DNM1: variants seen among roughly 807,000 people sequenced by gnomAD.
The protein encoded by DNM1 is dynamin 1.
DNM1 carries 29 observed loss-of-function variants against 104.6 expected under a neutral mutation model. The observed-to-expected ratio is 0.28, with a 90% CI of 0.21 to 0.38. The LOEUF is 0.38. Among genes scored for constraint, DNM1 ranks in the 10% least tolerant of loss-of-function variants. The pLI is 1.00. For synonymous variants in DNM1, 445 were observed against 475.8 expected, an observed-to-expected ratio of 0.94 and a Z score of 0.84; for missense variants, 640 against 1,189.4, an observed-to-expected ratio of 0.54 and a Z score of 6.79.
At chr9:128,241,551 C>T (rs1836365169) in intron 14 of DNM1, among the ~76,000 whole-genome samples, 1 of 152,128 alleles carries the variant, frequency 6.6e-6, no homozygotes, top group Non-Finnish European at 1.5e-5. Context: ...CTGCCAGGCC[C>T]TCTGCAAGGT....
Position 128,242,292 on chromosome 9 carries a change from G to C in DNM1, c.1618G>C (p.Glu540Gln). The change falls in exon 15 of 22, where the codon GAG (glutamate) becomes CAG (glutamine). Residue 540 changes from glutamate to glutamine, a missense_variant. Physicochemically the swap from Glu to Gln is conservative, Grantham distance 29 (BLOSUM62 2). Transcript: ENST00000372923. ...NIGIMKGGSK[E>Q]YWFVLTAENL... ...TGGCATCATGAAAGGGGGCTCCAAG[G>C]AGTACTGGTTTGTGCTGACTGCTGA... is the stretch of plus-strand genomic sequence containing the variant. 1 of 1,613,644 alleles carries C rather than the reference G, an allele frequency of 6.2e-7. No individual in the cohort carries two copies.
Position 128,247,336 on chromosome 9 carries a change from CTT to C in DNM1, c.1782-37_1782-36del, listed in dbSNP as rs1201960559. ...CCCTTAACCCCCAGGGAGGGTCAGA[CTT>C]TGCCCATCTGCCCTCACTGCCTGCC... On this transcript the variant is annotated intron_variant, in intron 16 of 21. Coordinates refer to ENST00000372923, the MANE Select transcript of DNM1 (RefSeq NM_004408.4). The surrounding 1 kb of genome is among the most constrained non-coding windows in gnomAD (Gnocchi z 5.1). 6.8e-7 allele frequency: 1 copy of C among 1,477,588 alleles called. No individual in the cohort carries two copies. Among genetic ancestry groups the C allele is most frequent in the Non-Finnish European group, 9.4e-7 (1 of 1,066,252 alleles). 91.5% of individuals were successfully genotyped at this position (1,477,588 alleles called of 1,614,324 possible). A position where few individuals can be genotyped will look rare whatever the true frequency, so the allele number is the denominator to read the frequency against.
chr9:128,220,138 C>G lies in DNM1; in HGVS notation c.689-43C>G. 6.2e-7 allele frequency: 1 copy of G among 1,613,120 alleles called. No homozygotes were observed. The highest frequency in any genetic ancestry group is 8.5e-7 in the Non-Finnish European group (1 of 1,179,110). On this transcript the variant is annotated intron_variant, in intron 5 of 21. Coordinates refer to ENST00000372923, the MANE Select transcript of DNM1 (RefSeq NM_004408.4). The surrounding 1 kb of genome is among the most constrained non-coding windows in gnomAD (Gnocchi z 5.2). ...TCCCCAGCCCTTCCCCACCCTTCCC[C>G]TCCTCTTGAGGCTGGTTGCCCTGAC... is the stretch of plus-strand genomic sequence containing the variant.
At chr9:128,238,987 T>C (rs1172201170) in intron 11 of DNM1, among the ~76,000 whole-genome samples, 1 of 149,946 alleles carries the variant, frequency 6.7e-6, no homozygotes, top group Non-Finnish European at 1.5e-5. Flanking sequence ...TTTCATCCTC[T>C]CCTCTCCTCT....
At position 128,250,044 on chromosome 9, in the gene DNM1, G is replaced by A. The variant is rs952724282; in HGVS notation, c.2077-71G>A. 3.1e-6 allele frequency: 5 copies of A among 1,610,304 alleles called. No homozygotes were observed. In the African/African-American group the frequency reaches 6.7e-5, roughly 22 times the overall value. ...GCCACACCAGCTCACAGTCCCAGCA[G>A]GGCCCGGTGGGGCGGCCAGGGCGGC... On this transcript the variant is annotated intron_variant, in intron 19 of 21. Transcript: ENST00000372923.
At chr9:128,233,717 TC>T in intron 10 of DNM1, 1 of 466,904 alleles carries the variant, frequency 2.1e-6, no homozygotes, top group South Asian at 2.3e-5. Context: ...GCAGGCTCAT[TC>T]CCATGGCCTT....
At position 128,220,740 on chromosome 9, in the gene DNM1, C is replaced by CGTGTGT. The variant is rs754950978; in HGVS notation, c.849+400_849+401insTGTGTG. ...TCCAGAACTGAAGTGCGCGCGCGCG[C>CGTGTGT]GCGTGTGTGTGTGTGTGTGTGTGTG... On this transcript the variant is annotated intron_variant, in intron 6 of 21. Coordinates refer to ENST00000372923, the MANE Select transcript of DNM1 (RefSeq NM_004408.4). The surrounding 1 kb of genome is among the most constrained non-coding windows in gnomAD (Gnocchi z 5.2). 2.8e-3 allele frequency among the ~76,000 whole-genome samples: 353 copies of CGTGTGT among 125,772 alleles called. 1 individual carries two copies. Among genetic ancestry groups the CGTGTGT allele is most frequent in the East Asian group, 0.014 (43 of 3,156 alleles). 82.5% of individuals were successfully genotyped at this position (125,772 alleles called of 152,430 possible).
chr9:128,229,176 G>A (rs1835516953), intron 10 of DNM1, among the ~76,000 whole-genome samples: 1 of 151,966 alleles, frequency 6.6e-6, no homozygotes, highest in African/African-American at 2.4e-5. Context: ...AGGATTGCTT[G>A]AGGCCAGAAG....
In DNM1 at chr9:128,234,125, C is replaced by T. The variant is rs747813685; in HGVS notation, c.1422+18C>T. 218 of 1,512,402 alleles carry T rather than the reference C, an allele frequency of 1.4e-4. No homozygotes were observed. The highest frequency in any genetic ancestry group is 1.7e-4 in the Non-Finnish European group (195 of 1,125,580). 93.7% of individuals were successfully genotyped at this position (1,512,402 alleles called of 1,614,324 possible). A position where few individuals can be genotyped will look rare whatever the true frequency, so the allele number is the denominator to read the frequency against. On this transcript the variant is annotated intron_variant, in intron 11 of 21. Coordinates refer to ENST00000372923, the MANE Select transcript of DNM1 (RefSeq NM_004408.4). ...AGGAGCAGGTGAGCCCCGCAGCACC[C>T]GGCCTGGCCGCGCCTTCCTTCCACT...
At chr9:128,223,018 TC>T in intron 9 of DNM1, 158 bp downstream of exon 9, 1 of 734,778 alleles carries the variant, frequency 1.4e-6, no homozygotes, top group Non-Finnish European at 2.2e-6. Context: ...CATGACAGGC[TC>T]CAGCTTGGGG....
Position 128,253,900 on chromosome 9 carries a change from C to T in DNM1, c.2535-754C>T. ...CTGTTGCTCCTAGGGTCACTTGTGC[C>T]ATTCAGCCAAGGGGACGACCGTGCC... On this transcript the variant is annotated intron_variant, in intron 21 of 21. Transcript: ENST00000372923. This position sits in a 1 kb window ranked among gnomAD's most constrained non-coding sequence, Gnocchi z 5.9. The T allele has an allele frequency of 8.1e-7, 1 of 1,230,500 alleles. No homozygotes were observed. The highest frequency in any genetic ancestry group is 1.6e-5 in the African/African-American group (1 of 64,466). The allele number at this position is 1,230,500 out of a possible 1,614,324, so 76.2% of individuals were successfully genotyped here.
chr9:128,237,541 T>C (rs1328173375), intron 11 of DNM1, among the ~76,000 whole-genome samples: 1 of 152,050 alleles, frequency 6.6e-6, no homozygotes, highest in East Asian at 1.9e-4. Flanking sequence ...AGTGCTGGGA[T>C]TACAGGCGTG....
intron 11 of DNM1, 93 bp from the exon 12 acceptor site, chr9:128,239,352 A>T: frequency 1.1e-6 from 1 of 897,708 alleles, no homozygotes; most frequent in Non-Finnish European, 1.8e-6. Context: ...AACCTCCTAT[A>T]TGTGCTGCAA....
chr9:128,216,925 C>T (rs563381731), intron 1 of DNM1, among the ~76,000 whole-genome samples: 14 of 152,376 alleles, frequency 9.2e-5, no homozygotes, highest in Middle Eastern at 3.4e-3. Flanking sequence ...CTTTCCTGGG[C>T]CCTGGAGATC....
At position 128,218,638 on chromosome 9, in the gene DNM1, C is replaced by G. The variant is rs1206732749; in HGVS notation, c.292C>G (p.Arg98Gly). 1.2e-6 allele frequency: 2 copies of G among 1,613,708 alleles called. No homozygotes were observed. Among genetic ancestry groups the G allele is most frequent in the Admixed American group, 3.3e-5 (2 of 60,000 alleles). ...GKKFTDFEEV[R>G]LEIEAETDRV... is the part of the protein sequence containing the mutation. ...GAAATTCACCGACTTCGAGGAGGTG[C>G]GCCTTGAGATCGAGGCCGAGACCGA... Residue 98 changes from arginine to glycine, a missense_variant, in exon 3 of 22, where the codon CGC (arginine) becomes GGC (glycine). Transcript: ENST00000372923. This position sits in a 1 kb window ranked among gnomAD's most constrained non-coding sequence, Gnocchi z 4.8.
chr9:128,207,136 C>G (rs986380702), intron 1 of DNM1, among the ~76,000 whole-genome samples: 4 of 151,766 alleles, frequency 2.6e-5, no homozygotes, highest in Non-Finnish European at 1.5e-5. Context: ...TTAACAGAGT[C>G]GGGAAGAGTA....
rs140950284 is a variant in DNM1 at position 128,220,742 on chromosome 9, CGT to C, written c.849+426_849+427del. Among the ~76,000 whole-genome samples, 646 of 136,316 alleles carry C rather than the reference CGT, an allele frequency of 4.7e-3. 4 individuals are homozygous for C. The highest frequency in any genetic ancestry group is 0.013 in the African/African-American group (504 of 37,810). The allele number at this position is 136,316 out of a possible 152,430, so 89.4% of individuals were successfully genotyped here. On this transcript the variant is annotated intron_variant, in intron 6 of 21. Coordinates refer to ENST00000372923, the MANE Select transcript of DNM1 (RefSeq NM_004408.4). The surrounding 1 kb of genome is among the most constrained non-coding windows in gnomAD (Gnocchi z 5.2). ...CAGAACTGAAGTGCGCGCGCGCGCGCGTGTGTGTGTGTGTGTGTGTGTGTGTC... is the reference window on the plus strand; with the variant it reads ...CAGAACTGAAGTGCGCGCGCGCGCGCGTGTGTGTGTGTGTGTGTGTGTGTC...
At chr9:128,232,334 C>T (rs1276315653) in intron 10 of DNM1, among the ~76,000 whole-genome samples, 1 of 152,144 alleles carries the variant, frequency 6.6e-6, no homozygotes, top group Non-Finnish European at 1.5e-5. Context: ...CAGTGGGGTT[C>T]ACAGGGCCCC....
rs1829701836 is a variant in DNM1, at chr9:128,254,079, G to A, written c.2535-575G>A. 2.4e-6 allele frequency: 3 copies of A among 1,258,742 alleles called. No homozygotes were observed. Among genetic ancestry groups the A allele is most frequent in the South Asian group, 7.2e-5 (2 of 27,934 alleles). The allele number at this position is 1,258,742 out of a possible 1,614,324, so 78.0% of individuals were successfully genotyped here. A position where few individuals can be genotyped will look rare whatever the true frequency, so the allele number is the denominator to read the frequency against. ...TGAGGCTCCCCTCTTAGACTTATAA[G>A]TCTATGGCCACTGGCATCCGGCTGC... On this transcript the variant is annotated intron_variant, in intron 21 of 21. Transcript: ENST00000372923. The surrounding 1 kb of genome is among the most constrained non-coding windows in gnomAD (Gnocchi z 6.1).
Sources: gnomAD v4.1 joint callset for allele counts (sites outside exome capture counted in the v4.1 genomes callset) on GRCh38, gnomAD v4.1.1 for gene constraint, Gnocchi (gnomAD v3.1) non-coding constraint, MANE v1.5 for transcripts, NCBI Gene and HGNC (gene_info 2026-07-23, HGNC 2026-07-21) for gene names.